SLC30A7: variants seen among roughly 807,000 people sequenced by gnomAD.
SLC30A7 encodes the protein solute carrier family 30 member 7, also known as zinc transporter 7.
Under a neutral mutation model 46.0 loss-of-function variants are expected in SLC30A7, and 35 were observed. The ratio of observed to expected loss-of-function variants is 0.76; its 90% confidence interval spans 0.58 to 1.01. SLC30A7 has a LOEUF of 1.01. SLC30A7 is among the 50% of genes least tolerant of loss of function. SLC30A7 has a pLI of 0.00. For missense variants in SLC30A7, 464 were observed against 451.1 expected, an observed-to-expected ratio of 1.03 and a Z score of -0.26; for synonymous variants, 147 against 157.8, an observed-to-expected ratio of 0.93 and a Z score of 0.51.
At chr1:100,960,200 G>A (rs1655462412) in intron 8 of SLC30A7, among the ~76,000 whole-genome samples, 1 of 152,064 alleles carries the variant, frequency 6.6e-6, no homozygotes, top group South Asian at 2.1e-4. Flanking sequence ...TGCTCTCACT[G>A]TGTCTTTCAT....
chr1:100,940,788 A>T (rs1439677688), intron 8 of SLC30A7, among the ~76,000 whole-genome samples: 2 of 152,256 alleles, frequency 1.3e-5, no homozygotes, highest in East Asian at 1.9e-4. Context: ...CTTTCCACAG[A>T]ACATAAACTA....
chr1:100,915,200 TC>T (rs1557981191), intron 6 of SLC30A7, among the ~76,000 whole-genome samples: 955 of 80,578 alleles, frequency 0.012, 7 homozygotes, highest in Non-Finnish European at 0.015. Context: ...TTCTTTTCTT[TC>T]TTTCTTTCTT....
chr1:100,899,395 G>A (rs1651162859), intron 2 of SLC30A7, among the ~76,000 whole-genome samples: 1 of 152,156 alleles, frequency 6.6e-6, no homozygotes, highest in Admixed American at 6.5e-5. Flanking sequence ...GAGGAAAATG[G>A]TAGAAATTCT....
At chr1:100,967,841 A>C (rs1655945098) in intron 10 of SLC30A7, among the ~76,000 whole-genome samples, 2 of 152,186 alleles carry the variant, frequency 1.3e-5, no homozygotes, top group Admixed American at 1.3e-4. Context: ...AAAAAAAGCA[A>C]CCACAAAGGA....
At chr1:100,897,386 T>TA (rs1651036699) in intron 2 of SLC30A7, among the ~76,000 whole-genome samples, 1 of 152,120 alleles carries the variant, frequency 6.6e-6, no homozygotes, top group African/African-American at 2.4e-5. Flanking sequence ...CTTAAGGTCT[T>TA]ATGAAGTTGT....
chr1:100,952,358 A>T (rs533572591), intron 8 of SLC30A7, among the ~76,000 whole-genome samples: 7 of 152,132 alleles, frequency 4.6e-5, no homozygotes, highest in Non-Finnish European at 1.0e-4. Context: ...GATAATACCT[A>T]CCTCATAATT....
chr1:100,960,976 G>A (rs1319232102), intron 8 of SLC30A7, among the ~76,000 whole-genome samples: 4 of 140,322 alleles, frequency 2.9e-5, no homozygotes, highest in African/African-American at 5.4e-5. Context: ...TTTTTTAGAC[G>A]GAGAGTCTCG....
Position 100,906,852 on chromosome 1 carries a change from C to G in SLC30A7, c.183C>G (p.Cys61Trp), listed in dbSNP as rs1651709339. 1 of 1,607,522 alleles carries G rather than the reference C, an allele frequency of 6.2e-7. No homozygotes were observed. Among genetic ancestry groups the G allele is most frequent in the African/African-American group, 1.3e-5 (1 of 74,882 alleles). ...VELLYGIWSN[C>W]LGLISDSFHM... ...TGTCAATGTGTTTGTTCTTTTCCAG[C>G]TTAGGCTTGATTTCCGACTCTTTTC... is the stretch of plus-strand genomic sequence containing the variant. Residue 61 changes from cysteine (C) to tryptophan (W), a missense_variant and splice_region_variant, in exon 3 of 11, where the codon TGC becomes TGG. Cys to Trp is a radical substitution (Grantham distance 215). Transcript: ENST00000357650.
intron 6 of SLC30A7, among the ~76,000 whole-genome samples, chr1:100,915,703 C>CA (rs1418413161): frequency 6.6e-6 from 1 of 152,164 alleles, no homozygotes; most frequent in African/African-American, 2.4e-5. Context: ...AGCTTGCTTC[C>CA]ATGTCTTGGC....
chr1:100,993,315 G>A, the SLC30A7 span, among the ~76,000 whole-genome samples: 5 of 151,952 alleles, frequency 3.3e-5, no homozygotes, highest in South Asian at 6.2e-4. Context: ...CACTTTGGGA[G>A]GCAGAGGCGG....
intron 8 of SLC30A7, among the ~76,000 whole-genome samples, chr1:100,929,341 A>AT (rs936346313): frequency 1.3e-5 from 2 of 152,052 alleles, no homozygotes; most frequent in African/African-American, 2.4e-5. Context: ...CTAGTTCAGC[A>AT]TTTTTTTCAT....
chr1:100,897,407 A>G (rs1050450547), intron 2 of SLC30A7, among the ~76,000 whole-genome samples: 1 of 152,122 alleles, frequency 6.6e-6, no homozygotes. Context: ...TCTGCTAACA[A>G]GACTGTCACA....
At chr1:100,918,910 T>C (rs571729283) in intron 7 of SLC30A7, among the ~76,000 whole-genome samples, 11 of 152,272 alleles carry the variant, frequency 7.2e-5, no homozygotes, top group African/African-American at 1.7e-4. Flanking sequence ...AATTCAAAAT[T>C]TGAAGTATAG....
At chr1:100,941,411 G>T in intron 8 of SLC30A7, 1 of 409,086 alleles carries the variant, frequency 2.4e-6, no homozygotes, top group Admixed American at 3.0e-5. Context: ...TGAAGCACTA[G>T]GCATCTCTTG....
intron 8 of SLC30A7, among the ~76,000 whole-genome samples, chr1:100,937,657 ATTGT>A (rs1291161420): frequency 2.6e-5 from 4 of 152,184 alleles, no homozygotes; most frequent in African/African-American, 9.6e-5. Context: ...CCATTTTTAA[ATTGT>A]TTGTTGTTGT....
At chr1:100,991,353 G>A in the SLC30A7 span, among the ~76,000 whole-genome samples, 1 of 152,138 alleles carries the variant, frequency 6.6e-6, no homozygotes, top group Non-Finnish European at 1.5e-5. Flanking sequence ...TGATCAAAAG[G>A]GGGCAAATGG....
chr1:100,980,269 A>G lies in SLC30A7; in HGVS notation c.*5412A>G, dbSNP rs1212710212. The G allele has an allele frequency of 6.6e-6, 1 of 152,100 alleles. No homozygotes were observed. Among genetic ancestry groups the G allele is most frequent in the Non-Finnish European group, 1.5e-5 (1 of 67,948 alleles). The allele number at this position is 152,100 out of a possible 1,614,324, so 9.4% of individuals were successfully genotyped here. A position where few individuals can be genotyped will look rare whatever the true frequency, so the allele number is the denominator to read the frequency against. ...AAAAGTACAAGTAATTTTGCACTGC[A>G]GGAGAAGGATAAGTAGATTTGATTT... On this transcript the variant is annotated 3_prime_UTR_variant, in exon 11 of 11. Transcript: ENST00000357650.
chr1:100,940,521 C>T (rs947479565), intron 8 of SLC30A7, among the ~76,000 whole-genome samples: 10 of 152,078 alleles, frequency 6.6e-5, no homozygotes, highest in African/African-American at 2.4e-4. Flanking sequence ...TCATGAAGGA[C>T]TAACATTTCT....
intron 2 of SLC30A7, among the ~76,000 whole-genome samples, chr1:100,899,988 G>A (rs966379625): frequency 6.6e-6 from 1 of 151,646 alleles, no homozygotes; most frequent in Admixed American, 6.6e-5. Flanking sequence ...TGTGGATAGT[G>A]TAGGTTTTGG....
Sources: gnomAD v4.1 joint callset for allele counts (sites outside exome capture counted in the v4.1 genomes callset) on GRCh38, gnomAD v4.1.1 for gene constraint, MANE v1.5 for transcripts, NCBI Gene and HGNC (gene_info 2026-07-23, HGNC 2026-07-21) for gene names.